The following APOL2 variants were observed in gnomAD, a reference collection of about 807,000 sequenced individuals.
APOL2 encodes apolipoprotein L2, also known as apolipoprotein L, 2.
A neutral mutation model predicts 7.1 loss-of-function variants in APOL2; 8 were observed. The observed-to-expected ratio is 1.12, with a 90% CI of 0.66 to 2.03. The LOEUF is 2.03. APOL2 is among the 30% of genes most tolerant of loss of function. The pLI, the probability that APOL2 is intolerant of heterozygous loss-of-function variation, is 0.00. For synonymous variants in APOL2, 177 were observed against 159.9 expected, an observed-to-expected ratio of 1.11 and a Z score of -0.81; for missense variants, 471 against 415.1, an observed-to-expected ratio of 1.13 and a Z score of -1.17.
intron 1 of APOL2, among the ~76,000 whole-genome samples, chr22:36,237,850 C>T (rs899012060): frequency 1.3e-5 from 2 of 152,176 alleles, no homozygotes; most frequent in Non-Finnish European, 2.9e-5. Context: ...CACCCACTGA[C>T]GCCCTGCTTC....
intron 4 of APOL2, among the ~76,000 whole-genome samples, chr22:36,230,356 A>C (rs1372743647): frequency 6.6e-6 from 1 of 152,202 alleles, no homozygotes; most frequent in Non-Finnish European, 1.5e-5. Context: ...TGAGAGACAC[A>C]GGCTACCATG....
At chr22:36,239,648 T>C, upstream of APOL2, 1 of 716,608 alleles carries the variant, frequency 1.4e-6, no homozygotes, top group African/African-American at 1.7e-5. Context: ...CAGCACCACC[T>C]GCAGTCCAGG....
chr22:36,228,314 C>A, intron 4 of APOL2, 34 bp from the exon 5 acceptor site: 1 of 1,579,100 alleles, frequency 6.3e-7, no homozygotes, highest in Non-Finnish European at 8.6e-7. Context: ...TTAAGAAATG[C>A]AGTTTCCCTA....
intron 1 of APOL2, chr22:36,239,191 C>G (rs3827348): frequency 1.7e-5 from 21 of 1,270,028 alleles, no homozygotes; most frequent in Non-Finnish European, 2.1e-5. Context: ...GAGCTGAGCC[C>G]GGGGAGCTTT....
At position 36,228,119 on chromosome 22, in the gene APOL2, C is replaced by T. The variant is rs780871617; in HGVS notation, c.299G>A (p.Arg100His). ...CTGCTCAACCTCCTCTGCAAGGGCACGGAGCTTCCTTATGTGATCCTCAAG... is the reference window on the plus strand; with the variant it reads ...CTGCTCAACCTCCTCTGCAAGGGCATGGAGCTTCCTTATGTGATCCTCAAG... The part of the protein sequence containing the change: ...RELEDHIRKL[R>H]ALAEEVEQVH... Residue 100 changes from arginine to histidine, a missense_variant, in exon 5 of 5, where the codon CGT becomes CAT. By Grantham distance (29) the Arg-to-His change is conservative. Coordinates refer to ENST00000358502, the MANE Select transcript of APOL2 (RefSeq NM_030882.4). 4.3e-6 allele frequency: 7 copies of T among 1,614,108 alleles called. No homozygotes were observed. In the East Asian group the frequency reaches 8.9e-5, roughly 21 times the overall value.
At position 36,233,219 on chromosome 22, in the gene APOL2, A is replaced by G. The variant is rs780029354; in HGVS notation, c.-57T>C. 1.2e-6 allele frequency: 2 copies of G among 1,614,084 alleles called. No homozygotes were observed. Among genetic ancestry groups the G allele is most frequent in the Non-Finnish European group, 8.5e-7 (1 of 1,179,972 alleles). ...CCTTGGAGCTCTCCAGTCACTGTCCAGACTGGAAGGTTTTCCTTAACCCTT... is the reference window on the plus strand; with the variant it reads ...CCTTGGAGCTCTCCAGTCACTGTCCGGACTGGAAGGTTTTCCTTAACCCTT... On this transcript the variant is annotated 5_prime_UTR_variant, in exon 3 of 5. Transcript: ENST00000358502.
chr22:36,239,281 A>G, intron 1 of APOL2, 160 bp downstream of exon 1: 1 of 1,378,566 alleles, frequency 7.3e-7, no homozygotes, highest in Non-Finnish European at 9.4e-7. Context: ...ATCAGACTCA[A>G]GCCTGGGTGC....
intron 1 of APOL2, chr22:36,237,505 C>T: frequency 2.0e-6 from 1 of 504,898 alleles, no homozygotes; most frequent in Non-Finnish European, 2.7e-6. Flanking sequence ...AGCCCCTGGG[C>T]TCAAGTGATC....
At position 36,227,275 on chromosome 22, in the gene APOL2, C is replaced by T. The variant is rs2015029577; in HGVS notation, c.*129G>A. On this transcript the variant is annotated 3_prime_UTR_variant, in exon 5 of 5. Transcript: ENST00000358502. The stretch of plus-strand genomic sequence containing the variant: ...AGTTTGCAGTGAGCCGAGATTGAGC[C>T]ACTGCACTCCATCCTGGGCGATAGA... 9.4e-6 allele frequency: 11 copies of T among 1,170,202 alleles called. No individual in the cohort carries two copies. The highest frequency in any genetic ancestry group is 1.3e-5 in the Non-Finnish European group (11 of 862,338). 72.5% of individuals were successfully genotyped at this position (1,170,202 alleles called of 1,614,324 possible).
At chr22:36,235,748 GGTGGGTGGGT>G (rs1380969629) in intron 1 of APOL2, among the ~76,000 whole-genome samples, 231 of 110,734 alleles carry the variant, frequency 2.1e-3, no homozygotes, top group African/African-American at 8.4e-3. Flanking sequence ...AGAAAGGGTG[GGTGGGTGGGT>G]GTGTGTGTGT....
At position 36,233,190 on chromosome 22, in the gene APOL2, C is replaced by A; in HGVS notation, c.-28G>T. The A allele has an allele frequency of 6.2e-7, 1 of 1,614,128 alleles. No homozygotes were observed. Among genetic ancestry groups the A allele is most frequent in the South Asian group, 1.1e-5 (1 of 91,086 alleles). On this transcript the variant is annotated 5_prime_UTR_variant, in exon 3 of 5. Transcript: ENST00000358502. ...TGCCAGCGGCTGGGTTACCGAGGGG[C>A]TTTCCTTGGAGCTCTCCAGTCACTG... is the stretch of plus-strand genomic sequence containing the variant.
upstream of APOL2, chr22:36,239,706 A>C (rs574208430): frequency 2.8e-5 from 16 of 577,896 alleles, no homozygotes; most frequent in Non-Finnish European, 4.4e-5. Context: ...CAGACCAGAC[A>C]TCCGGGTCCC....
chr22:36,239,560 C>T (rs75714156), upstream of APOL2: 1 of 1,532,172 alleles, frequency 6.5e-7, no homozygotes, highest in Admixed American at 1.8e-5. Context: ...CCCAGATATA[C>T]CCTGGAATTC....
chr22:36,232,526 A>G (rs568365152), intron 3 of APOL2, among the ~76,000 whole-genome samples: 4 of 152,334 alleles, frequency 2.6e-5, no homozygotes, highest in Middle Eastern at 3.4e-3. Flanking sequence ...CCCTTATAAT[A>G]TTTAATCTTC....
intron 3 of APOL2, among the ~76,000 whole-genome samples, chr22:36,232,715 G>A (rs989272112): frequency 2.6e-5 from 4 of 152,120 alleles, no homozygotes; most frequent in African/African-American, 7.2e-5. Flanking sequence ...CAGGGCAAGA[G>A]CTGGAGGGAG....
chr22:36,227,396 C>A lies in APOL2; in HGVS notation c.*8G>T. On this transcript the variant is annotated 3_prime_UTR_variant, in exon 5 of 5. Coordinates refer to ENST00000358502, the MANE Select transcript of APOL2 (RefSeq NM_030882.4). ...CATTTCTGCCCTGGTGGCTGCACTG[C>A]TCTGGGGTCATTGGTCTTGGCCTGG... 1 of 1,601,164 alleles carries A rather than the reference C, an allele frequency of 6.2e-7. No individual in the cohort carries two copies.
At chr22:36,239,548 C>T, upstream of APOL2, 1 of 1,562,080 alleles carries the variant, frequency 6.4e-7, no homozygotes, top group Non-Finnish European at 8.7e-7. Context: ...GTCCTCCGGC[C>T]TCCCAGATAT....
chr22:36,235,752 G>GTGTGTGT lies in APOL2; in HGVS notation c.-133-2298_-133-2297insACACACA, dbSNP rs1569532873. On this transcript the variant is annotated intron_variant, in intron 1 of 4. Coordinates refer to ENST00000358502, the MANE Select transcript of APOL2 (RefSeq NM_030882.4). The stretch of plus-strand genomic sequence containing the variant: ...CACCGGGAGGAAGAAAGGGTGGGTG[G>GTGTGTGT]GTGGGTGTGTGTGTGTGTGTGTGTG... 7.2e-3 allele frequency among the ~76,000 whole-genome samples: 805 copies of GTGTGTGT among 111,496 alleles called. 2 individuals carry two copies. The highest frequency in any genetic ancestry group is 0.011 in the Admixed American group (118 of 10,312). The allele number at this position is 111,496 out of a possible 152,430, so 73.1% of individuals were successfully genotyped here.
intron 3 of APOL2, among the ~76,000 whole-genome samples, chr22:36,231,829 T>C (rs747735417): frequency 1.3e-5 from 2 of 151,364 alleles, no homozygotes; most frequent in Non-Finnish European, 2.9e-5. Context: ...AGCAAGAGAG[T>C]CCTCCCAAGG....
Sources: allele counts gnomAD v4.1 joint callset (sites outside exome capture counted in the v4.1 genomes callset), GRCh38; gene constraint gnomAD v4.1.1; transcripts MANE v1.5; gene names NCBI Gene and HGNC (gene_info 2026-07-23, HGNC 2026-07-21).